The following PCSK6 variants were observed in gnomAD, a reference collection of about 807,000 sequenced individuals.
PCSK6 encodes proprotein convertase subtilisin/kexin type 6, also known as paired basic amino acid cleaving enzyme 4.
Under a neutral mutation model 123.3 loss-of-function variants are expected in PCSK6, and 85 were observed. The ratio of observed to expected loss-of-function variants is 0.69; its 90% CI spans 0.58 to 0.83. PCSK6 has a LOEUF of 0.83. PCSK6 is among the 40% of genes least tolerant of loss of function. The pLI is 0.00. For synonymous variants in PCSK6, 508 were observed against 516.0 expected, an observed-to-expected ratio of 0.98 and a Z score of 0.21; for missense variants, 1,191 against 1,282.3, an observed-to-expected ratio of 0.93 and a Z score of 1.09.
chr15:101,324,323 C>T (rs2040198479), intron 17 of PCSK6, among the ~76,000 whole-genome samples: 1 of 152,246 alleles, frequency 6.6e-6, no homozygotes, highest in African/African-American at 2.4e-5. Flanking sequence ...CCACATCTGA[C>T]TCCCAATTTC....
intron 7 of PCSK6, among the ~76,000 whole-genome samples, chr15:101,395,821 G>GCCAGT (rs2042396494): frequency 6.6e-6 from 1 of 152,188 alleles, no homozygotes; most frequent in Non-Finnish European, 1.5e-5. Flanking sequence ...CCTGGACGCG[G>GCCAGT]CCAGTGTCTT....
At chr15:101,446,628 G>A (rs6598477) in intron 1 of PCSK6, among the ~76,000 whole-genome samples, 37,752 of 152,076 alleles carry the variant, frequency 0.25, 4,781 homozygotes, top group South Asian at 0.32. Context: ...TAGAGCCCAC[G>A]AGGATCAAAG....
intron 2 of PCSK6, 90 bp from the exon 3 acceptor site, chr15:101,432,190 C>A (rs528104236): frequency 9.8e-7 from 1 of 1,023,150 alleles, no homozygotes; most frequent in Non-Finnish European, 1.5e-6. Context: ...CTTCCTTGTG[C>A]GTGAATATCT....
chr15:101,430,863 AT>A (rs1396857676), intron 4 of PCSK6, among the ~76,000 whole-genome samples: 1 of 152,238 alleles, frequency 6.6e-6, no homozygotes, highest in Admixed American at 6.5e-5. Context: ...CTTATGAACC[AT>A]TTTACAGACG....
chr15:101,480,330 G>C (rs1032684561), intron 1 of PCSK6, among the ~76,000 whole-genome samples: 1 of 152,256 alleles, frequency 6.6e-6, no homozygotes, highest in East Asian at 1.9e-4. Context: ...GTGCGGCTGG[G>C]CAGAGCCACA....
chr15:101,314,772 T>G (rs2039949835), intron 19 of PCSK6, among the ~76,000 whole-genome samples: 1 of 152,162 alleles, frequency 6.6e-6, no homozygotes, highest in Admixed American at 6.5e-5. Context: ...AGGGGCCTCT[T>G]GAGGACCACC....
intron 10 of PCSK6, 54 bp downstream of exon 10, chr15:101,384,268 C>T (rs752484065): frequency 6.3e-7 from 1 of 1,592,262 alleles, no homozygotes; most frequent in Non-Finnish European, 8.6e-7. Context: ...CATGACACCC[C>T]TTCCTACACA....
rs1011751266 is a variant in PCSK6 at position 101,430,120 on chromosome 15, AATGGATTTT to A, written c.658-66_658-58del. 103 of 1,389,264 alleles carry A rather than the reference AATGGATTTT, an allele frequency of 7.4e-5. No individual in the cohort carries two copies. The African/African-American group carries it at 1.2e-3, about 16-fold the overall frequency. 86.1% of individuals were successfully genotyped at this position (1,389,264 alleles called of 1,614,324 possible). The stretch of plus-strand genomic sequence containing the variant: ...AATGGCATGTGACAGCTCTGTTTGA[AATGGATTTT>A]ATGTTCCGTTGGCAAATAGAGAAAC... On this transcript the variant is annotated intron_variant, in intron 4 of 21. Coordinates refer to ENST00000611716, the MANE Select transcript of PCSK6 (RefSeq NM_002570.5).
intron 12 of PCSK6, among the ~76,000 whole-genome samples, chr15:101,369,335 G>A (rs1056893701): frequency 6.6e-6 from 1 of 152,234 alleles, no homozygotes. Flanking sequence ...CTTCTGCCTG[G>A]TTCCATCTGA....
chr15:101,425,127 G>A lies in PCSK6; in HGVS notation c.823+2765C>T, dbSNP rs151234672. 6.1e-3 allele frequency among the ~76,000 whole-genome samples: 935 copies of A among 152,296 alleles called. 6 individuals carry two copies. Among genetic ancestry groups the A allele is most frequent in the South Asian group, 0.026 (124 of 4,816 alleles). Reference sequence around the variant, plus strand: ...TTGACACGGCAGGACTTGACTACCCGTGAGAGTGCTGAGGAGACAATTACG... The same window carrying A: ...TTGACACGGCAGGACTTGACTACCCATGAGAGTGCTGAGGAGACAATTACG... On this transcript the variant is annotated intron_variant, in intron 6 of 21. Coordinates refer to ENST00000611716, the MANE Select transcript of PCSK6 (RefSeq NM_002570.5).
chr15:101,439,004 C>T (rs1380141428), intron 2 of PCSK6, among the ~76,000 whole-genome samples: 2 of 152,218 alleles, frequency 1.3e-5, no homozygotes, highest in Non-Finnish European at 2.9e-5. Context: ...CCAGTGGTGG[C>T]CGTATTTCAG....
intron 6 of PCSK6, among the ~76,000 whole-genome samples, chr15:101,399,638 C>A (rs1223463609): frequency 1.3e-5 from 2 of 152,216 alleles, no homozygotes; most frequent in East Asian, 1.9e-4. Context: ...GTGCCTCCCC[C>A]AGAGAAGGCA....
intron 1 of PCSK6, among the ~76,000 whole-genome samples, chr15:101,480,828 C>T (rs555153325): frequency 2.0e-5 from 3 of 152,292 alleles, no homozygotes; most frequent in South Asian, 2.1e-4. Flanking sequence ...CAAGTACGTA[C>T]GTGGCAGGGC....
intron 2 of PCSK6, among the ~76,000 whole-genome samples, chr15:101,433,573 G>A (rs980813606): frequency 3.3e-5 from 5 of 152,202 alleles, no homozygotes; most frequent in African/African-American, 1.2e-4. Context: ...GTTCCAAACA[G>A]GGCAGGCTGC....
At chr15:101,388,944 T>C (rs1474539582) in intron 9 of PCSK6, among the ~76,000 whole-genome samples, 2 of 152,144 alleles carry the variant, frequency 1.3e-5, no homozygotes, top group Admixed American at 6.5e-5. Context: ...CCCTCCAAAA[T>C]GTATTCATCG....
intron 2 of PCSK6, among the ~76,000 whole-genome samples, chr15:101,438,827 G>A (rs2141139464): frequency 6.6e-6 from 1 of 152,366 alleles, no homozygotes; most frequent in South Asian, 2.1e-4. Context: ...TGCTAGAAGA[G>A]CAGGCCAAGT....
intron 7 of PCSK6, 46 bp from the exon 8 acceptor site, chr15:101,393,470 G>A (rs753139535): frequency 4.3e-5 from 64 of 1,494,218 alleles, no homozygotes; most frequent in Non-Finnish European, 5.6e-5. Context: ...GCAGAACCTC[G>A]TAGGGTGGGT....
intron 18 of PCSK6, 87 bp from the exon 19 acceptor site, chr15:101,318,509 G>T: frequency 9.2e-7 from 1 of 1,089,994 alleles, no homozygotes; most frequent in Non-Finnish European, 1.4e-6. Flanking sequence ...AAGAGGAGAT[G>T]TAAGTGGCTG....
intron 6 of PCSK6, 44 bp downstream of exon 6, chr15:101,427,848 T>C: frequency 1.4e-6 from 2 of 1,472,090 alleles, no homozygotes; most frequent in South Asian, 1.2e-5. Flanking sequence ...CAGCTGCCCC[T>C]GCCCCAGGCC....
Sources: gnomAD v4.1 joint callset for allele counts (sites outside exome capture counted in the v4.1 genomes callset) on GRCh38, gnomAD v4.1.1 for gene constraint, MANE v1.5 for transcripts, NCBI Gene and HGNC (gene_info 2026-07-23, HGNC 2026-07-21) for gene names.